Variants in DCDC1 observed in about 807,000 individuals in gnomAD.
The protein encoded by DCDC1 is doublecortin domain containing 1.
DCDC1 carries 200 observed loss-of-function variants against 178.3 expected under a neutral mutation model. That is an observed-to-expected ratio of 1.12 (90% CI 1.00 to 1.26). The LOEUF (loss-of-function observed/expected upper bound fraction) is 1.26. Among genes scored for constraint, DCDC1 ranks in the 50% most tolerant of loss-of-function variants. The probability of loss-of-function intolerance (pLI) is 0.00; values close to 1 mark genes in which losing one functional copy is unlikely to be tolerated. For missense variants in DCDC1, 1,983 were observed against 1,749.2 expected, an observed-to-expected ratio of 1.13 and a Z score of -2.38; for synonymous variants, 690 against 604.8, an observed-to-expected ratio of 1.14 and a Z score of -2.07.
chr11:30,975,776 A>T (rs1950068534), intron 20 of DCDC1, among the ~76,000 whole-genome samples: 1 of 152,016 alleles, frequency 6.6e-6, no homozygotes, highest in Admixed American at 6.6e-5. Context: ...CATTAAAATT[A>T]CCATACAGCC....
At chr11:31,122,722 T>C (rs1443731311) in intron 11 of DCDC1, among the ~76,000 whole-genome samples, 1 of 151,978 alleles carries the variant, frequency 6.6e-6, no homozygotes, top group African/African-American at 2.4e-5. Context: ...AAGACAAAAA[T>C]GAAAGAAAGA....
At position 30,970,823 on chromosome 11, in the gene DCDC1, C is replaced by T. The variant is rs555596706; in HGVS notation, c.2592-18255G>A. The stretch of plus-strand genomic sequence containing the variant: ...ATTACCCCATATCTGCCTACCACAG[C>T]CAGCATCTGCATGCACCATAGGGGA... On this transcript the variant is annotated intron_variant, in intron 20 of 38. Coordinates refer to ENST00000684477, the MANE Select transcript of DCDC1 (RefSeq NM_001387274.1). 1.9e-3 allele frequency among the ~76,000 whole-genome samples: 288 copies of T among 152,316 alleles called. 1 individual carries two copies. The Middle Eastern group carries it at 0.02, about 11-fold the overall frequency.
chr11:31,230,875 A>G (rs977716784), intron 9 of DCDC1, among the ~76,000 whole-genome samples: 1 of 150,682 alleles, frequency 6.6e-6, no homozygotes, highest in African/African-American at 2.5e-5. Context: ...GAAATACCAG[A>G]GCAGTTTTAC....
At position 30,952,642 on chromosome 11, in the gene DCDC1, T is replaced by C. The variant is rs994124738; in HGVS notation, c.2592-74A>G. 1.3e-5 allele frequency: 8 copies of C among 623,404 alleles called. No individual in the cohort carries two copies. The East Asian group carries it at 1.4e-4, about 11-fold the overall frequency. The allele number at this position is 623,404 out of a possible 1,614,324, so 38.6% of individuals were successfully genotyped here. A position where few individuals can be genotyped will look rare whatever the true frequency, so the allele number is the denominator to read the frequency against. On this transcript the variant is annotated intron_variant, in intron 20 of 38. Transcript: ENST00000684477. ...CACTTTAAAATATTCATTTTATTCA[T>C]TGAGTACTTACTATACACTAGGCAA...
chr11:30,976,364 G>A (rs2134740745), intron 20 of DCDC1, among the ~76,000 whole-genome samples: 1 of 152,150 alleles, frequency 6.6e-6, no homozygotes, highest in South Asian at 2.1e-4. Context: ...CTTCTGCACA[G>A]CAAAGTAAAC....
intron 15 of DCDC1, among the ~76,000 whole-genome samples, chr11:31,097,315 A>C (rs901322768): frequency 6.6e-6 from 1 of 152,222 alleles, no homozygotes; most frequent in Non-Finnish European, 1.5e-5. Context: ...TTTACTAAGA[A>C]ACAGAACACG....
At chr11:31,006,482 GAACA>G (rs1312596000) in intron 20 of DCDC1, among the ~76,000 whole-genome samples, 1 of 152,100 alleles carries the variant, frequency 6.6e-6, no homozygotes, top group Non-Finnish European at 1.5e-5. Flanking sequence ...ACAATCTACT[GAACA>G]AACAAGAGGC....
chr11:31,203,394 G>C (rs1017619983), intron 9 of DCDC1, among the ~76,000 whole-genome samples: 3 of 152,128 alleles, frequency 2.0e-5, no homozygotes, highest in African/African-American at 7.2e-5. Context: ...AGAGTATCTG[G>C]AGCAGAGGGT....
intron 20 of DCDC1, among the ~76,000 whole-genome samples, chr11:30,985,452 A>G (rs1236982064): frequency 6.6e-6 from 1 of 152,166 alleles, no homozygotes; most frequent in Non-Finnish European, 1.5e-5. Context: ...TGTTTATGGT[A>G]TGCCTATTTA....
At chr11:31,354,667 A>C (rs562095467) in intron 1 of DCDC1, among the ~76,000 whole-genome samples, 1 of 152,316 alleles carries the variant, frequency 6.6e-6, no homozygotes, top group East Asian at 1.9e-4. Flanking sequence ...TCAATGTCGT[A>C]AGCCTTTTTA....
In DCDC1 at chr11:31,290,839, T is replaced by A; in HGVS notation, c.768A>T (p.Leu256Phe). The change falls in exon 7 of 39, where the codon TTA (leucine) becomes TTT (phenylalanine). Residue 256 changes from leucine (L) to phenylalanine (F), a missense_variant. Leu to Phe is a conservative substitution (Grantham distance 22, BLOSUM62 0). Transcript: ENST00000684477. ...TCATTGTCCAAGTTACTTTCTTAAT[T>A]AACAACAGATGGTCTAGAAGATAAT... ...PFKKIKDHLL[L>F]IKKVTWTMNG... The A allele has an allele frequency of 6.2e-7, 1 of 1,611,140 alleles. No homozygotes were observed. Among genetic ancestry groups the A allele is most frequent in the Non-Finnish European group, 8.5e-7 (1 of 1,178,832 alleles).
intron 7 of DCDC1, among the ~76,000 whole-genome samples, chr11:31,266,304 C>T (rs943442631): frequency 6.6e-6 from 1 of 152,022 alleles, no homozygotes; most frequent in Non-Finnish European, 1.5e-5. Context: ...TTACATGCAA[C>T]CCTTTGAAAC....
chr11:31,054,318 C>T (rs1955449033), intron 20 of DCDC1, among the ~76,000 whole-genome samples: 1 of 149,648 alleles, frequency 6.7e-6, no homozygotes, highest in African/African-American at 2.4e-5. Context: ...AACTACAAAA[C>T]ACTGCTGAAA....
At chr11:31,255,427 G>C (rs1591553854) in intron 8 of DCDC1, among the ~76,000 whole-genome samples, 1 of 152,096 alleles carries the variant, frequency 6.6e-6, no homozygotes, top group East Asian at 1.9e-4. Context: ...CAATGTGTGA[G>C]GGTTCCTTCC....
intron 21 of DCDC1, among the ~76,000 whole-genome samples, chr11:30,932,156 A>T (rs1178521554): frequency 6.6e-6 from 1 of 152,142 alleles, no homozygotes; most frequent in Non-Finnish European, 1.5e-5. Flanking sequence ...TTTCTGTAAC[A>T]ACCTGTGTTA....
chr11:31,273,899 G>C (rs147837222), intron 7 of DCDC1, among the ~76,000 whole-genome samples: 2 of 152,172 alleles, frequency 1.3e-5, no homozygotes, highest in African/African-American at 4.8e-5. Flanking sequence ...AGCAAGCAGA[G>C]AGAGAGCTTG....
At chr11:31,241,060 T>C (rs1489577148) in intron 9 of DCDC1, among the ~76,000 whole-genome samples, 2 of 152,050 alleles carry the variant, frequency 1.3e-5, no homozygotes, top group South Asian at 2.1e-4. Flanking sequence ...TGATTTGTTG[T>C]ATTCTAGCCC....
intron 17 of DCDC1, among the ~76,000 whole-genome samples, chr11:31,084,644 G>C (rs1957368583): frequency 6.6e-6 from 1 of 152,052 alleles, no homozygotes; most frequent in African/African-American, 2.4e-5. Context: ...ATATGCCTTT[G>C]TATTAATGCA....
intron 17 of DCDC1, among the ~76,000 whole-genome samples, chr11:31,082,322 C>T (rs1957227516): frequency 6.6e-6 from 1 of 151,964 alleles, no homozygotes; most frequent in African/African-American, 2.4e-5. Flanking sequence ...ACTCTTATCA[C>T]AACTGCCATT....
Sources: allele counts gnomAD v4.1 joint callset (sites outside exome capture counted in the v4.1 genomes callset), GRCh38; gene constraint gnomAD v4.1.1; transcripts MANE v1.5; gene names NCBI Gene and HGNC (gene_info 2026-07-23, HGNC 2026-07-21).